Variants in ARHGEF40 observed in about 807,000 individuals in gnomAD.
The protein encoded by ARHGEF40 is Rho guanine nucleotide exchange factor (GEF) 40.
A neutral mutation model predicts 165.9 loss-of-function variants in ARHGEF40; 98 were observed. That is an observed-to-expected ratio of 0.59 (90% confidence interval 0.50 to 0.70). The LOEUF (loss-of-function observed/expected upper bound fraction) is 0.70. ARHGEF40 is among the 30% of genes least tolerant of loss of function. The probability of loss-of-function intolerance (pLI) is 0.00; values close to 1 mark genes in which losing one functional copy is unlikely to be tolerated. For synonymous variants in ARHGEF40, 792 were observed against 814.3 expected (o/e 0.97, Z 0.47); for missense variants, 1,815 against 1,968.0 (o/e 0.92, Z 1.47).
At chr14:21,077,208 G>C (rs987165369) in intron 8 of ARHGEF40, among the ~76,000 whole-genome samples, 2 of 151,716 alleles carry the variant, frequency 1.3e-5, no homozygotes. Context: ...GGACTCAGGC[G>C]ATCCTCCCAT....
At chr14:21,068,928 A>G (rs943990), upstream of ARHGEF40, among the ~76,000 whole-genome samples, 134,886 of 152,276 alleles carry the variant, frequency 0.89, 60,150 homozygotes, top group African/African-American at 0.94. Context: ...CCTTGGCGGC[A>G]CCCCCGCCTC....
In ARHGEF40 at chr14:21,078,260, G is replaced by T; in HGVS notation, c.2118G>T (p.Glu706Asp). 1 of 1,613,938 alleles carries T rather than the reference G, an allele frequency of 6.2e-7. No individual in the cohort carries two copies. Among genetic ancestry groups the T allele is most frequent in the Non-Finnish European group, 8.5e-7 (1 of 1,179,956 alleles). Reference protein sequence around the residue: ...QAIEELEGAAEPEEEEAVGMP... With the variant: ...QAIEELEGAADPEEEEAVGMP... ...TTGAGGAGCTGGAGGGAGCAGCAGA[G>T]CCAGAGGAAGAGGTATGAAATGAGA... The change falls in exon 9 of 24, where the codon GAG becomes GAT. Residue 706 changes from glutamate to aspartate, a missense_variant. Glu to Asp is a conservative substitution (Grantham distance 45). Coordinates refer to ENST00000298694, the MANE Select transcript of ARHGEF40 (RefSeq NM_018071.5).
Position 21,070,805 on chromosome 14 carries a change from C to G in ARHGEF40, c.3+406C>G. Reference sequence around the variant, plus strand: ...TGCAGCGACCCTGGAAGAGGCCCGGCCCCTCGGGTCATGAGAACTGACCTG... The same window carrying G: ...TGCAGCGACCCTGGAAGAGGCCCGGGCCCTCGGGTCATGAGAACTGACCTG... On this transcript the variant is annotated intron_variant, in intron 1 of 23. Transcript: ENST00000298694. The surrounding 1 kb of genome is among the most constrained non-coding windows in gnomAD (Gnocchi z 4.7). 1.3e-6 allele frequency: 2 copies of G among 1,535,614 alleles called. No individual in the cohort carries two copies. Among genetic ancestry groups the G allele is most frequent in the East Asian group, 4.9e-5 (2 of 40,874 alleles).
upstream of ARHGEF40, among the ~76,000 whole-genome samples, chr14:21,067,755 C>T (rs990804817): frequency 6.6e-5 from 5 of 75,920 alleles, no homozygotes; most frequent in Admixed American, 1.7e-4. Flanking sequence ...CTGTTGTGTA[C>T]ACACGTACAC....
rs374139839 is a variant in ARHGEF40, at chr14:21,087,345, C to G, written c.4269C>G (p.Ala1423=). ...GRAARTRASV[A]VSSFEHAGPS... is the part of the protein sequence containing the mutation. ...CCGCCCGCACCCGGGCCTCCGTGGCCGTGTCATCCTTTGAGCATGCCGGCC... is the reference window on the plus strand; with the variant it reads ...CCGCCCGCACCCGGGCCTCCGTGGCGGTGTCATCCTTTGAGCATGCCGGCC... The change falls in exon 21 of 24, where the codon GCC becomes GCG. Residue 1423 remains alanine, a synonymous_variant. Coordinates refer to ENST00000298694, the MANE Select transcript of ARHGEF40 (RefSeq NM_018071.5). The G allele has an allele frequency of 6.2e-7, 1 of 1,606,720 alleles. No homozygotes were observed. Among genetic ancestry groups the G allele is most frequent in the Non-Finnish European group, 8.5e-7 (1 of 1,179,678 alleles).
intron 15 of ARHGEF40, among the ~76,000 whole-genome samples, 174 bp downstream of exon 15, chr14:21,082,652 T>C (rs1415472336): frequency 6.6e-6 from 1 of 152,198 alleles, no homozygotes; most frequent in Non-Finnish European, 1.5e-5. Flanking sequence ...TGCGCCCTGC[T>C]CTCAAGAGCT....
chr14:21,082,754 G>A, intron 15 of ARHGEF40, 77 bp from the exon 16 acceptor site: 1 of 1,461,658 alleles, frequency 6.8e-7, no homozygotes. Flanking sequence ...GCTACAGAGA[G>A]GATAGAGAGG....
Position 21,076,408 on chromosome 14 carries a change from G to A in ARHGEF40, c.1788G>A (p.Gln596=). 1 of 1,613,684 alleles carries A rather than the reference G, an allele frequency of 6.2e-7. No individual in the cohort carries two copies. ...TGTCCGTCCTGCTGGACCTTCGTCAGGCACCTCCACTGCCTCCAGCACTCA... is the reference window on the plus strand; with the variant it reads ...TGTCCGTCCTGCTGGACCTTCGTCAAGCACCTCCACTGCCTCCAGCACTCA... ...LGLSVLLDLR[Q]APPLPPALIP... is the part of the protein sequence containing the mutation. The change falls in exon 6 of 24, where the codon CAG becomes CAA. Residue 596 remains glutamine (Q), a synonymous_variant. Transcript: ENST00000298694.
the ARHGEF40 span, among the ~76,000 whole-genome samples, chr14:21,064,866 A>G: frequency 1.3e-5 from 2 of 152,132 alleles, no homozygotes; most frequent in African/African-American, 4.8e-5. Flanking sequence ...GATGGTCCAC[A>G]TCTGTCTTAA....
intron 11 of ARHGEF40, 78 bp downstream of exon 11, chr14:21,079,088 T>A: frequency 6.6e-7 from 1 of 1,524,636 alleles, no homozygotes; most frequent in Admixed American, 1.9e-5. Flanking sequence ...GTACTTATAG[T>A]TGATGGTGTT....
intron 19 of ARHGEF40, 66 bp downstream of exon 19, chr14:21,085,932 G>A (rs540111831): frequency 1.3e-6 from 2 of 1,559,752 alleles, no homozygotes; most frequent in South Asian, 2.2e-5. Flanking sequence ...TTTCTGGAGA[G>A]TGTGCGAACT....
rs1186628927 is a variant in ARHGEF40 at position 21,088,796 on chromosome 14, G to A, written c.4519-34G>A. Reference sequence around the variant, plus strand: ...AAAGAGAGAGAAAGACAAGAAATATGTCCCTAAATTCACTGTAGCTTCTCT... The same window carrying A: ...AAAGAGAGAGAAAGACAAGAAATATATCCCTAAATTCACTGTAGCTTCTCT... On this transcript the variant is annotated intron_variant, in intron 22 of 23. Coordinates refer to ENST00000298694, the MANE Select transcript of ARHGEF40 (RefSeq NM_018071.5). 2.0e-6 allele frequency: 3 copies of A among 1,521,548 alleles called. No homozygotes were observed. The South Asian group carries it at 3.4e-5, about 17-fold the overall frequency. The allele number at this position is 1,521,548 out of a possible 1,614,324, so 94.3% of individuals were successfully genotyped here.
At position 21,076,437 on chromosome 14, in the gene ARHGEF40, C is replaced by T; in HGVS notation, c.1817C>T (p.Pro606Leu). Residue 606 changes from proline (P) to leucine (L), a missense_variant, in exon 6 of 24, where the codon CCT becomes CTT. Physicochemically the swap from Pro to Leu is moderately conservative, Grantham distance 98. Transcript: ENST00000298694. ...CCTCCACTGCCTCCAGCACTCATTC[C>T]TGCCTTGAGCCAACTTCAGGTAACC... ...QAPPLPPALI[P>L]ALSQLQDSGD... 1 of 1,613,934 alleles carries T rather than the reference C, an allele frequency of 6.2e-7. No individual in the cohort carries two copies. Among genetic ancestry groups the T allele is most frequent in the Non-Finnish European group, 8.5e-7 (1 of 1,180,046 alleles).
In ARHGEF40 at chr14:21,070,967, A is replaced by C; in HGVS notation, c.3+568A>C. ...AAAGAGGGAAATTCCCGCAGAGAAAAAGAGCTGCCTCAGGATAGTTGGGGG... is the reference window on the plus strand; with the variant it reads ...AAAGAGGGAAATTCCCGCAGAGAAACAGAGCTGCCTCAGGATAGTTGGGGG... On this transcript the variant is annotated intron_variant, in intron 1 of 23. Coordinates refer to ENST00000298694, the MANE Select transcript of ARHGEF40 (RefSeq NM_018071.5). The surrounding 1 kb of genome is among the most constrained non-coding windows in gnomAD (Gnocchi z 4.7). The C allele has an allele frequency of 2.7e-6, 3 of 1,121,058 alleles. No individual in the cohort carries two copies. The highest frequency in any genetic ancestry group is 3.9e-6 in the Non-Finnish European group (3 of 774,076). The allele number at this position is 1,121,058 out of a possible 1,614,324, so 69.4% of individuals were successfully genotyped here.
chr14:21,066,588 T>C (rs2319623), upstream of ARHGEF40, among the ~76,000 whole-genome samples: 139,919 of 152,126 alleles, frequency 0.92, 64,497 homozygotes, highest in African/African-American at 0.96. Flanking sequence ...CCTGCCTCGG[T>C]CTCCCAAAGT....
upstream of ARHGEF40, among the ~76,000 whole-genome samples, chr14:21,065,480 C>T (rs1886213925): frequency 6.6e-6 from 1 of 152,144 alleles, no homozygotes; most frequent in Non-Finnish European, 1.5e-5. Context: ...TCCCTCATTT[C>T]ATAAAGTTTA....
the ARHGEF40 span, among the ~76,000 whole-genome samples, chr14:21,064,117 C>T: frequency 5.3e-5 from 8 of 152,182 alleles, no homozygotes; most frequent in Non-Finnish European, 1.2e-4. Flanking sequence ...ATGGCTCCTA[C>T]CATTTGACCC....
At chr14:21,066,299 C>CT (rs35527465), upstream of ARHGEF40, among the ~76,000 whole-genome samples, 14 of 148,242 alleles carry the variant, frequency 9.4e-5, no homozygotes, top group Admixed American at 2.7e-4. Context: ...TTATTTGGAT[C>CT]TTTTTTTTTT....
rs373563789 is a variant in ARHGEF40, at chr14:21,084,788, A to G, written c.3825A>G (p.Arg1275=). The part of the protein sequence containing the change: ...DLKEQGQLLH[R]DPFTVICGRK... ...AGGAGCAGGGACAGCTCTTGCATCG[A>G]GACCCCTTCACTGTCATCTGTGGCC... Residue 1275 remains arginine (R), a synonymous_variant, in exon 18 of 24, where the codon CGA becomes CGG. Coordinates refer to ENST00000298694, the MANE Select transcript of ARHGEF40 (RefSeq NM_018071.5). 2.5e-6 allele frequency: 4 copies of G among 1,613,944 alleles called. No individual in the cohort carries two copies. In the African/African-American group the frequency reaches 4.0e-5, roughly 16 times the overall value.
Sources: allele counts gnomAD v4.1 joint callset (sites outside exome capture counted in the v4.1 genomes callset), GRCh38; gene constraint gnomAD v4.1.1; non-coding constraint Gnocchi (gnomAD v3.1); transcripts MANE v1.5; gene names NCBI Gene and HGNC (gene_info 2026-07-23, HGNC 2026-07-21).